The following PCDH9 variants were observed in gnomAD, a reference collection of about 807,000 sequenced individuals.
PCDH9 encodes protocadherin-9.
A neutral mutation model predicts 70.6 loss-of-function variants in PCDH9; 24 were observed. The observed-to-expected ratio is 0.34, with a 90% confidence interval of 0.25 to 0.48. The LOEUF is 0.48. Ranked by LOEUF, PCDH9 falls within the 20% of genes least tolerant of loss-of-function variation. PCDH9 has a pLI of 0.99. For missense variants in PCDH9, 1,281 were observed against 1,503.6 expected, an observed-to-expected ratio of 0.85 and a Z score of 2.45; for synonymous variants, 562 against 558.5, an observed-to-expected ratio of 1.01 and a Z score of -0.09.
chr13:66,408,583 C>A (rs921152385), intron 4 of PCDH9, among the ~76,000 whole-genome samples: 15 of 152,112 alleles, frequency 9.9e-5, no homozygotes, highest in African/African-American at 3.6e-4. Context: ...AATAGTAGAA[C>A]CTACTATAAA....
At chr13:66,835,280 C>T (rs1348074264) in intron 3 of PCDH9, among the ~76,000 whole-genome samples, 1 of 152,230 alleles carries the variant, frequency 6.6e-6, no homozygotes, top group African/African-American at 2.4e-5. Flanking sequence ...GGCTGGAGCT[C>T]CCCTGTGGAT....
chr13:66,909,141 T>C (rs1244005988), intron 2 of PCDH9, among the ~76,000 whole-genome samples: 1 of 151,994 alleles, frequency 6.6e-6, no homozygotes, highest in African/African-American at 2.4e-5. Context: ...CAAAAATCAG[T>C]AGCATTTCTA....
chr13:67,170,107 T>C (rs868117920), intron 2 of PCDH9, among the ~76,000 whole-genome samples: 5 of 152,308 alleles, frequency 3.3e-5, no homozygotes, highest in Middle Eastern at 3.4e-3. Context: ...AAAACAGCTT[T>C]ATATTATTCA....
intron 3 of PCDH9, among the ~76,000 whole-genome samples, chr13:66,737,810 C>T (rs534258662): frequency 1.6e-4 from 25 of 152,250 alleles, no homozygotes; most frequent in Admixed American, 7.2e-4. Flanking sequence ...TGGCGCACCA[C>T]GAGACTATAT....
chr13:66,587,692 A>G (rs951918596), intron 4 of PCDH9, among the ~76,000 whole-genome samples: 3 of 152,084 alleles, frequency 2.0e-5, no homozygotes, highest in Non-Finnish European at 2.9e-5. Flanking sequence ...TCAGGTTTCT[A>G]AGATCGTCAG....
chr13:67,017,035 G>T (rs1219740639), intron 2 of PCDH9, among the ~76,000 whole-genome samples: 1 of 151,972 alleles, frequency 6.6e-6, no homozygotes, highest in Non-Finnish European at 1.5e-5. Context: ...CAATAGTTCT[G>T]AACTTAGCAA....
At chr13:66,424,478 G>C (rs1222138319) in intron 4 of PCDH9, among the ~76,000 whole-genome samples, 2 of 151,918 alleles carry the variant, frequency 1.3e-5, no homozygotes, top group East Asian at 3.9e-4. Flanking sequence ...CAAGCAACAA[G>C]TGACCTGCAT....
Position 67,226,004 on chromosome 13 carries a change from G to A in PCDH9, c.2437C>T (p.Leu813=). Residue 813 remains leucine (L), a synonymous_variant, in exon 2 of 5, where the codon CTA becomes TTA. Coordinates refer to ENST00000377865, the MANE Select transcript of PCDH9 (RefSeq NM_203487.3). The surrounding 1 kb of genome is among the most constrained non-coding windows in gnomAD (Gnocchi z 5.0). Reference sequence around the variant, plus strand: ...GCGATGATGGCAATCATGATGGTTAGATAGTCCTCATTTTGATAGGGTTGG... The same window carrying A: ...GCGATGATGGCAATCATGATGGTTAAATAGTCCTCATTTTGATAGGGTTGG... ...SSQPYQNEDY[L]TIMIAIIAGA... is the part of the protein sequence containing the mutation. The A allele has an allele frequency of 6.2e-7, 1 of 1,614,096 alleles. No homozygotes were observed. The highest frequency in any genetic ancestry group is 1.1e-5 in the South Asian group (1 of 91,078).
chr13:67,155,454 A>AT (rs1165429438), intron 2 of PCDH9, among the ~76,000 whole-genome samples: 1 of 152,206 alleles, frequency 6.6e-6, no homozygotes, highest in African/African-American at 2.4e-5. Context: ...AACAAAACTG[A>AT]TTTATTTTGA....
At chr13:66,483,757 C>T (rs1218644464) in intron 4 of PCDH9, among the ~76,000 whole-genome samples, 1 of 152,114 alleles carries the variant, frequency 6.6e-6, no homozygotes, top group Non-Finnish European at 1.5e-5. Flanking sequence ...TCCAACCCCA[C>T]GGACCTAGGT....
At chr13:66,386,732 C>G (rs1956936587) in intron 4 of PCDH9, among the ~76,000 whole-genome samples, 1 of 152,064 alleles carries the variant, frequency 6.6e-6, no homozygotes, top group African/African-American at 2.4e-5. Context: ...GGGTGCTCTT[C>G]AACATCACTG....
At chr13:66,694,004 C>T (rs1265090573) in intron 3 of PCDH9, among the ~76,000 whole-genome samples, 1 of 152,170 alleles carries the variant, frequency 6.6e-6, no homozygotes. Context: ...TTTAGCAGTC[C>T]TGCTGGTTAG....
chr13:66,507,856 G>A (rs1376860834), intron 4 of PCDH9, among the ~76,000 whole-genome samples: 1 of 152,110 alleles, frequency 6.6e-6, no homozygotes, highest in Non-Finnish European at 1.5e-5. Context: ...TGAGTAGCTG[G>A]GACTACTGGT....
intron 4 of PCDH9, among the ~76,000 whole-genome samples, chr13:66,319,285 T>G (rs1955709055): frequency 6.6e-6 from 1 of 152,138 alleles, no homozygotes; most frequent in South Asian, 2.1e-4. Context: ...ATGTGAGGAT[T>G]ACAATTTGAG....
At chr13:66,569,787 C>T (rs2076706829) in intron 4 of PCDH9, among the ~76,000 whole-genome samples, 1 of 152,102 alleles carries the variant, frequency 6.6e-6, no homozygotes, top group South Asian at 2.1e-4. Flanking sequence ...AGGAGGAAGA[C>T]AGGCTGGATC....
At chr13:67,166,773 G>C (rs2088128872) in intron 2 of PCDH9, among the ~76,000 whole-genome samples, 1 of 152,138 alleles carries the variant, frequency 6.6e-6, no homozygotes, top group South Asian at 2.1e-4. Flanking sequence ...TGGCTACCAT[G>C]AGTGTGTGGC....
intron 4 of PCDH9, among the ~76,000 whole-genome samples, chr13:66,452,823 T>C (rs1490969802): frequency 6.6e-6 from 1 of 152,154 alleles, no homozygotes; most frequent in South Asian, 2.1e-4. Flanking sequence ...CCTAAACATA[T>C]ACTGTTTTAA....
intron 2 of PCDH9, among the ~76,000 whole-genome samples, chr13:66,958,311 T>G (rs1166950750): frequency 6.6e-6 from 1 of 152,196 alleles, no homozygotes; most frequent in African/African-American, 2.4e-5. Flanking sequence ...CACGGAATTC[T>G]ATGACTAATT....
At chr13:66,749,599 C>A (rs969350443) in intron 3 of PCDH9, among the ~76,000 whole-genome samples, 4 of 152,130 alleles carry the variant, frequency 2.6e-5, no homozygotes, top group Non-Finnish European at 5.9e-5. Flanking sequence ...AGAAAATTTT[C>A]TTTCCCATTC....
Sources: gnomAD v4.1 joint callset for allele counts (sites outside exome capture counted in the v4.1 genomes callset) on GRCh38, gnomAD v4.1.1 for gene constraint, Gnocchi (gnomAD v3.1) non-coding constraint, MANE v1.5 for transcripts, NCBI Gene and HGNC (gene_info 2026-07-23, HGNC 2026-07-21) for gene names.